SEMA6B: variants seen among roughly 807,000 people sequenced by gnomAD.
SEMA6B encodes semaphorin-6B.
Under a neutral mutation model 78.6 loss-of-function variants are expected in SEMA6B, and 47 were observed. The ratio of observed to expected loss-of-function variants is 0.60; its 90% CI spans 0.47 to 0.76. The LOEUF is 0.76. Among genes scored for constraint, SEMA6B ranks in the 30% least tolerant of loss-of-function variants. SEMA6B has a pLI of 0.00. For missense variants in SEMA6B, 1,213 were observed against 1,269.9 expected, an observed-to-expected ratio of 0.96 and a Z score of 0.68; for synonymous variants, 632 against 592.2, an observed-to-expected ratio of 1.07 and a Z score of -0.98.
Position 4,544,096 on chromosome 19 carries a change from G to A in SEMA6B, c.2172C>T (p.His724=). The part of the protein sequence containing the change: ...PLPQKRLPTP[H]PHPHALGPRA... ...GGGGGCCCAGGGCGTGGGGGTGCGG[G>A]TGCGGAGTGGGCAGGCGCTTCTGCG... Residue 724 remains histidine (H), a synonymous_variant, in exon 17 of 17, where the codon CAC becomes CAT. Transcript: ENST00000586582. The surrounding 1 kb of genome is among the most constrained non-coding windows in gnomAD (Gnocchi z 5.1). 7.9e-7 allele frequency: 1 copy of A among 1,263,054 alleles called. No individual in the cohort carries two copies. The highest frequency in any genetic ancestry group is 2.7e-5 in the South Asian group (1 of 36,940). 78.2% of individuals were successfully genotyped at this position (1,263,054 alleles called of 1,614,324 possible).
intron 5 of SEMA6B, 112 bp from the exon 6 acceptor site, chr19:4,556,201 C>T: frequency 1.4e-6 from 1 of 738,834 alleles, no homozygotes; most frequent in East Asian, 2.7e-5. Context: ...GTGGGCATGG[C>T]CAAGGCAGGG....
Position 4,555,018 on chromosome 19 carries a change from G to A in SEMA6B, c.640C>T (p.Pro214Ser), listed in dbSNP as rs1321144619. 6 of 1,614,034 alleles carry A rather than the reference G, an allele frequency of 3.7e-6. No individual in the cohort carries two copies. The highest frequency in any genetic ancestry group is 1.1e-5 in the South Asian group (1 of 91,084). The change falls in exon 8 of 17, where the codon CCC becomes TCC. Residue 214 changes from proline (P) to serine (S), a missense_variant. Physicochemically the swap from Pro to Ser is moderately conservative, Grantham distance 74. Coordinates refer to ENST00000586582, the MANE Select transcript of SEMA6B (RefSeq NM_032108.4). The surrounding 1 kb of genome is among the most constrained non-coding windows in gnomAD (Gnocchi z 6.1). ...TCATGTTTCACGGTGCGCAGGGTGG[G>A]CCTGTCCCCGAGGCTGCGGTAGATG... is the stretch of plus-strand genomic sequence containing the variant. ...AVIYRSLGDR[P>S]TLRTVKHDSK...
At chr19:4,556,431 T>C (rs1189613827) in intron 5 of SEMA6B, among the ~76,000 whole-genome samples, 1 of 134,012 alleles carries the variant, frequency 7.5e-6, no homozygotes, top group Non-Finnish European at 1.6e-5. Context: ...AACTGGGGCG[T>C]GGTGGGCACG....
At chr19:4,551,690 G>A (rs1977336531) in intron 10 of SEMA6B, among the ~76,000 whole-genome samples, 1 of 151,866 alleles carries the variant, frequency 6.6e-6, no homozygotes, top group African/African-American at 2.4e-5. Context: ...TAAGCTGGGT[G>A]TGGTGGCGCA....
chr19:4,549,617 T>C (rs553199391), intron 12 of SEMA6B, among the ~76,000 whole-genome samples: 42 of 152,352 alleles, frequency 2.8e-4, no homozygotes, highest in Admixed American at 1.2e-3. Flanking sequence ...TAGCTGGGAC[T>C]ACAGGCGCCT....
At chr19:4,549,474 G>GTATTT (rs58228703) in intron 12 of SEMA6B, among the ~76,000 whole-genome samples, 78,155 of 143,778 alleles carry the variant, frequency 0.54, 21,693 homozygotes, top group East Asian at 0.86. Context: ...GCTAATTTTT[G>GTATTT]TATTTTATTT....
rs1239505621 is a variant in SEMA6B at position 4,544,649 on chromosome 19, T to A, written c.1739-120A>T. The A allele has an allele frequency of 5.9e-5, 33 of 561,852 alleles. No homozygotes were observed. The highest frequency in any genetic ancestry group is 8.8e-5 in the Non-Finnish European group (33 of 373,556). 34.8% of individuals were successfully genotyped at this position (561,852 alleles called of 1,614,324 possible). A position where few individuals can be genotyped will look rare whatever the true frequency, so the allele number is the denominator to read the frequency against. On this transcript the variant is annotated intron_variant, in intron 16 of 16. Coordinates refer to ENST00000586582, the MANE Select transcript of SEMA6B (RefSeq NM_032108.4). This position sits in a 1 kb window ranked among gnomAD's most constrained non-coding sequence, Gnocchi z 5.1. ...TTTTTATTTTTTTTTATTTATTTATTTTTTGAGAAGGAGTCTTCCTTTGTG... is the reference window on the plus strand; with the variant it reads ...TTTTTATTTTTTTTTATTTATTTATATTTTGAGAAGGAGTCTTCCTTTGTG...
rs1157048142 is a variant in SEMA6B, at chr19:4,552,297, C to T, written c.989+125G>A. On this transcript the variant is annotated intron_variant, in intron 10 of 16. Transcript: ENST00000586582. The surrounding 1 kb of genome is among the most constrained non-coding windows in gnomAD (Gnocchi z 7.4). Reference sequence around the variant, plus strand: ...TCCCACCCCAGCCTGGGGCCGAGGCCTCTCAGAGGTCTAATCCAGTGGTGC... The same window carrying T: ...TCCCACCCCAGCCTGGGGCCGAGGCTTCTCAGAGGTCTAATCCAGTGGTGC... The T allele has an allele frequency of 2.1e-6, 2 of 955,706 alleles. No individual in the cohort carries two copies. The highest frequency in any genetic ancestry group is 3.1e-6 in the Non-Finnish European group (2 of 644,090). 59.2% of individuals were successfully genotyped at this position (955,706 alleles called of 1,614,324 possible).
At chr19:4,553,887 G>T (rs967049854) in intron 9 of SEMA6B, among the ~76,000 whole-genome samples, 1 of 152,052 alleles carries the variant, frequency 6.6e-6, no homozygotes, top group Non-Finnish European at 1.5e-5. Context: ...CTGATAGATG[G>T]ATAGGATGGA....
Position 4,550,379 on chromosome 19 carries a change from TTTG to T in SEMA6B, c.1122-110_1122-108del. ...TGCCCAACGACCCTCAGGTTTTTTG[TTTG>T]TTTTGTTTTTGAGACAGAGTCTCAA... On this transcript the variant is annotated intron_variant, in intron 11 of 16. Coordinates refer to ENST00000586582, the MANE Select transcript of SEMA6B (RefSeq NM_032108.4). The surrounding 1 kb of genome is among the most constrained non-coding windows in gnomAD (Gnocchi z 6.6). 1 of 1,273,470 alleles carries T rather than the reference TTTG, an allele frequency of 7.9e-7. No individual in the cohort carries two copies. The highest frequency in any genetic ancestry group is 1.3e-5 in the South Asian group (1 of 74,942). 78.9% of individuals were successfully genotyped at this position (1,273,470 alleles called of 1,614,324 possible). A position where few individuals can be genotyped will look rare whatever the true frequency, so the allele number is the denominator to read the frequency against.
At chr19:4,545,897 G>A (rs375787181) in intron 16 of SEMA6B, 21 of 198,218 alleles carry the variant, frequency 1.1e-4, no homozygotes, top group East Asian at 7.3e-4. Flanking sequence ...TCAGCCTCCC[G>A]AGTAGCTGGG....
Position 4,548,323 on chromosome 19 carries a change from G to A in SEMA6B, c.1394C>T (p.Thr465Ile). ...GACACTGAGCCCAGACGTCCCTGAG[G>A]TGCTGGCATTGGGCCGGACGAGGAA... ...LKFLVRPNASTSGTSGLSVFL... is the reference protein window; with the variant it reads ...LKFLVRPNASISGTSGLSVFL... The change falls in exon 13 of 17, where the codon ACC becomes ATC. Residue 465 changes from threonine (T) to isoleucine (I), a missense_variant. Thr to Ile is a moderately conservative substitution (Grantham distance 89, BLOSUM62 -1). Transcript: ENST00000586582. 2 of 1,613,922 alleles carry A rather than the reference G, an allele frequency of 1.2e-6. No individual in the cohort carries two copies. Among genetic ancestry groups the A allele is most frequent in the Non-Finnish European group, 1.7e-6 (2 of 1,180,004 alleles).
rs956816009 is a variant in SEMA6B, at chr19:4,546,489, G to A, written c.1602-20C>T. ...CAGTTCCTAGAGCAGACCAGGGACC[G>A]AATGGGACAAGTGTCCAAGTCACTT... is the stretch of plus-strand genomic sequence containing the variant. On this transcript the variant is annotated intron_variant, in intron 14 of 16. Transcript: ENST00000586582. 5.2e-6 allele frequency: 8 copies of A among 1,529,516 alleles called. No homozygotes were observed. The highest frequency in any genetic ancestry group is 2.4e-5 in the South Asian group (2 of 81,870). 94.7% of individuals were successfully genotyped at this position (1,529,516 alleles called of 1,614,324 possible). A position where few individuals can be genotyped will look rare whatever the true frequency, so the allele number is the denominator to read the frequency against.
chr19:4,555,042 T>A lies in SEMA6B; in HGVS notation c.616A>T (p.Ile206Phe). 6.2e-7 allele frequency: 1 copy of A among 1,614,040 alleles called. No individual in the cohort carries two copies. ...GGCCTGTCCCCGAGGCTGCGGTAGA[T>A]GACAGCATCAATGGCTAGGAAGTCG... ...VTDFLAIDAV[I>F]YRSLGDRPTL... The change falls in exon 8 of 17, where the codon ATC becomes TTC. Residue 206 changes from isoleucine (I) to phenylalanine (F), a missense_variant. By Grantham distance (21) the Ile-to-Phe change is conservative (BLOSUM62 0). Transcript: ENST00000586582. The surrounding 1 kb of genome is among the most constrained non-coding windows in gnomAD (Gnocchi z 6.1).
At chr19:4,559,067 T>C (rs769193656) in intron 1 of SEMA6B, among the ~76,000 whole-genome samples, 3 of 151,886 alleles carry the variant, frequency 2.0e-5, no homozygotes, top group Non-Finnish European at 4.4e-5. Context: ...TGGTGGCCTG[T>C]GCCCGTAATC....
chr19:4,546,183 TGG>T, intron 16 of SEMA6B, 31 bp downstream of exon 16: 1 of 1,573,132 alleles, frequency 6.4e-7, no homozygotes. Flanking sequence ...TAGTGGGGGA[TGG>T]GGGTCTTAGC....
intron 12 of SEMA6B, among the ~76,000 whole-genome samples, chr19:4,549,300 T>TAA (rs1977255759): frequency 3.6e-5 from 1 of 28,050 alleles, no homozygotes; most frequent in Admixed American, 2.7e-4. Context: ...TGTCTACCTC[T>TAA]TTTTTTTTTT....
rs1977366457 is a variant in SEMA6B at position 4,552,735 on chromosome 19, G to A, written c.772-96C>T. ...ACTCACCACCCAAACTGTGATGGAG[G>A]AGTCTGACCCTGGCTCTGGTGGGAC... On this transcript the variant is annotated intron_variant, in intron 9 of 16. Coordinates refer to ENST00000586582, the MANE Select transcript of SEMA6B (RefSeq NM_032108.4). The surrounding 1 kb of genome is among the most constrained non-coding windows in gnomAD (Gnocchi z 7.4). 1 of 1,213,908 alleles carries A rather than the reference G, an allele frequency of 8.2e-7. No homozygotes were observed. The highest frequency in any genetic ancestry group is 2.5e-5 in the East Asian group (1 of 39,476). The allele number at this position is 1,213,908 out of a possible 1,614,324, so 75.2% of individuals were successfully genotyped here.
intron 5 of SEMA6B, 57 bp from the exon 6 acceptor site, chr19:4,556,146 G>T: frequency 8.0e-7 from 1 of 1,257,064 alleles, no homozygotes; most frequent in Non-Finnish European, 1.2e-6. Context: ...CATGGTGATG[G>T]GCGTGGCCAG....
Sources: allele counts gnomAD v4.1 joint callset (sites outside exome capture counted in the v4.1 genomes callset), GRCh38; gene constraint gnomAD v4.1.1; non-coding constraint Gnocchi (gnomAD v3.1); transcripts MANE v1.5; gene names NCBI Gene and HGNC (gene_info 2026-07-23, HGNC 2026-07-21).